Variants in PRELID2 observed in about 807,000 individuals in gnomAD.
PRELID2 encodes PRELI domain containing 2.
PRELID2 carries 25 observed loss-of-function variants against 28.4 expected under a neutral mutation model. The observed-to-expected ratio is 0.88, with a 90% confidence interval of 0.64 to 1.23. The LOEUF (loss-of-function observed/expected upper bound fraction) is 1.23. PRELID2 is among the 50% of genes most tolerant of loss of function. PRELID2 has a pLI of 0.00. For missense variants in PRELID2, 201 were observed against 214.4 expected, an observed-to-expected ratio of 0.94 and a Z score of 0.39; for synonymous variants, 76 against 71.6, an observed-to-expected ratio of 1.06 and a Z score of -0.31.
chr5:145,409,418 A>G, the PRELID2 span, among the ~76,000 whole-genome samples: 4 of 152,184 alleles, frequency 2.6e-5, no homozygotes, highest in Admixed American at 1.3e-4. Flanking sequence ...CACTTAAAAG[A>G]TACAGAATTG....
the PRELID2 span, among the ~76,000 whole-genome samples, chr5:145,331,089 T>A: frequency 6.6e-6 from 1 of 152,240 alleles, no homozygotes; most frequent in Admixed American, 6.5e-5. Flanking sequence ...CACTTTTAAA[T>A]GACTTTCTTA....
At chr5:145,613,296 A>T (rs1448686996) in intron 1 of PRELID2, among the ~76,000 whole-genome samples, 3 of 151,106 alleles carry the variant, frequency 2.0e-5, no homozygotes, top group African/African-American at 7.3e-5. Context: ...ATTTTTATTT[A>T]TTTATTTTTT....
At chr5:145,269,589 T>A in the PRELID2 span, among the ~76,000 whole-genome samples, 1 of 151,806 alleles carries the variant, frequency 6.6e-6, no homozygotes, top group Non-Finnish European at 1.5e-5. Context: ...CAAAATTTTT[T>A]AAAGAGGAAG....
At chr5:145,819,315 TA>T in intron 3 of PRELID2, 1 of 1,076,730 alleles carries the variant, frequency 9.3e-7, no homozygotes, top group Non-Finnish European at 1.4e-6. Flanking sequence ...CTCATAGCTC[TA>T]AAAGGACTCC....
Position 145,764,808 on chromosome 5 carries a change from C to A in PRELID2, c.*10+123G>T, listed in dbSNP as rs1757644362. On this transcript the variant is annotated intron_variant, in intron 6 of 6. Coordinates refer to ENST00000683046, the MANE Select transcript of PRELID2 (RefSeq NM_205846.3). ...GATAAAACACCTGTGAAATAGTATT[C>A]TGTGCATATAACTGGGAAATGTGCA... is the stretch of plus-strand genomic sequence containing the variant. 1.0e-5 allele frequency: 7 copies of A among 686,530 alleles called. No homozygotes were observed. In the Admixed American group the frequency reaches 1.8e-4, roughly 17 times the overall value. The allele number at this position is 686,530 out of a possible 1,614,324, so 42.5% of individuals were successfully genotyped here.
At chr5:145,741,243 T>C (rs187282306) in intron 1 of PRELID2, among the ~76,000 whole-genome samples, 1 of 111,578 alleles carries the variant, frequency 9.0e-6, no homozygotes, top group African/African-American at 3.7e-5. Flanking sequence ...ATAATATAAA[T>C]ATATAATATA....
chr5:145,829,014 GT>G (rs1561659138), intron 1 of PRELID2, among the ~76,000 whole-genome samples: 1 of 150,782 alleles, frequency 6.6e-6, no homozygotes, highest in Non-Finnish European at 1.5e-5. Context: ...AATTTTGGGG[GT>G]TTTTTGTTTT....
the PRELID2 span, among the ~76,000 whole-genome samples, chr5:145,296,529 T>C: frequency 6.6e-6 from 1 of 152,300 alleles, no homozygotes. Flanking sequence ...ACTCATCATT[T>C]TTTATGGCTG....
At chr5:145,807,976 T>A (rs1490749374) in intron 4 of PRELID2, among the ~76,000 whole-genome samples, 1 of 152,152 alleles carries the variant, frequency 6.6e-6, no homozygotes, top group African/African-American at 2.4e-5. Flanking sequence ...TGGAGGGCAG[T>A]CTTATTAAGC....
the PRELID2 span, among the ~76,000 whole-genome samples, chr5:145,249,118 C>A: frequency 2.6e-5 from 4 of 152,068 alleles, no homozygotes; most frequent in East Asian, 5.8e-4. Flanking sequence ...CATTTTTAAA[C>A]AAATTACAAA....
At chr5:145,241,593 A>G in the PRELID2 span, among the ~76,000 whole-genome samples, 1 of 151,992 alleles carries the variant, frequency 6.6e-6, no homozygotes, top group Non-Finnish European at 1.5e-5. Context: ...TGAAGAATGG[A>G]GAGGCGTAAA....
At position 145,493,185 on chromosome 5, in the gene PRELID2, T is replaced by A. The variant is rs1208575186; in HGVS notation, n.71-19870A>T. On this transcript the variant is annotated intron_variant and non_coding_transcript_variant, in intron 1 of 2. Transcript: ENST00000510259. Reference sequence around the variant, plus strand: ...TCAAATTGATATTTCTATGGTGGGATGAGCCCTGGAGAGTTCTACTCCACC... The same window carrying A: ...TCAAATTGATATTTCTATGGTGGGAAGAGCCCTGGAGAGTTCTACTCCACC... Among the ~76,000 whole-genome samples the A allele has an allele frequency of 2.1e-5, 2 of 96,270 alleles. 1 individual carries two copies. Among genetic ancestry groups the A allele is most frequent in the African/African-American group, 6.1e-5 (2 of 32,984 alleles). The allele number at this position is 96,270 out of a possible 152,430, so 63.2% of individuals were successfully genotyped here.
the PRELID2 span, among the ~76,000 whole-genome samples, chr5:145,318,464 T>C: frequency 1.3e-5 from 2 of 152,222 alleles, no homozygotes; most frequent in Non-Finnish European, 2.9e-5. Flanking sequence ...AAAGGAGGGT[T>C]TCCCAGAGCA....
chr5:145,474,702 C>T (rs779145468), intron 1 of PRELID2, among the ~76,000 whole-genome samples: 15 of 152,066 alleles, frequency 9.9e-5, no homozygotes, highest in Non-Finnish European at 1.5e-4. Flanking sequence ...TATAGTTATT[C>T]GGGGGGTCAG....
the PRELID2 span, among the ~76,000 whole-genome samples, chr5:145,386,081 T>C: frequency 6.6e-6 from 1 of 152,106 alleles, no homozygotes; most frequent in African/African-American, 2.4e-5. Flanking sequence ...GAGGTTTAAT[T>C]GACTAACAGT....
chr5:145,810,019 A>C (rs1053609903), intron 4 of PRELID2, among the ~76,000 whole-genome samples: 1 of 152,240 alleles, frequency 6.6e-6, no homozygotes, highest in Non-Finnish European at 1.5e-5. Flanking sequence ...TATATTTTAA[A>C]GACCAGACAC....
At chr5:145,746,274 T>G (rs1486289541) in intron 1 of PRELID2, among the ~76,000 whole-genome samples, 1 of 152,028 alleles carries the variant, frequency 6.6e-6, no homozygotes, top group Admixed American at 6.6e-5. Flanking sequence ...GAGACCAATC[T>G]CACATGCAAA....
chr5:145,372,308 G>T, the PRELID2 span, among the ~76,000 whole-genome samples: 10 of 152,100 alleles, frequency 6.6e-5, no homozygotes, highest in Non-Finnish European at 1.2e-4. Flanking sequence ...TGGTCTAAGA[G>T]ACTGTTTGTT....
At chr5:145,529,126 T>C (rs1752634719) in intron 1 of PRELID2, among the ~76,000 whole-genome samples, 1 of 152,206 alleles carries the variant, frequency 6.6e-6, no homozygotes, top group Non-Finnish European at 1.5e-5. Flanking sequence ...TAATGAAATA[T>C]TGTGAAACAG....
Sources: gnomAD v4.1 joint callset for allele counts (sites outside exome capture counted in the v4.1 genomes callset) on GRCh38, gnomAD v4.1.1 for gene constraint, MANE v1.5 for transcripts, NCBI Gene and HGNC (gene_info 2026-07-23, HGNC 2026-07-21) for gene names.